KIAA1328: variants seen among roughly 807,000 people sequenced by gnomAD.
The protein encoded by KIAA1328 is KIAA1328, also known as protein hinderin.
Under a neutral mutation model 68.1 loss-of-function variants are expected in KIAA1328, and 52 were observed. That is an observed-to-expected ratio of 0.76 (90% CI 0.61 to 0.96). The LOEUF (loss-of-function observed/expected upper bound fraction) is 0.96. KIAA1328 is among the 40% of genes least tolerant of loss of function. The pLI is 0.00. For missense variants in KIAA1328, 641 were observed against 677.6 expected, an observed-to-expected ratio of 0.95 and a Z score of 0.60; for synonymous variants, 232 against 239.4, an observed-to-expected ratio of 0.97 and a Z score of 0.28.
intron 7 of KIAA1328, among the ~76,000 whole-genome samples, chr18:37,112,729 C>T (rs560431780): frequency 3.9e-5 from 6 of 152,240 alleles, no homozygotes; most frequent in Non-Finnish European, 7.4e-5. Flanking sequence ...GGAGGATTTT[C>T]GAACCAATCG....
chr18:36,987,848 A>G (rs73947102), intron 6 of KIAA1328, among the ~76,000 whole-genome samples: 2 of 149,990 alleles, frequency 1.3e-5, no homozygotes, highest in South Asian at 4.2e-4. Flanking sequence ...TTGTTTTTTT[A>G]AAAAAAAAGA....
chr18:36,982,817 TATATAA>T (rs2052750637), intron 6 of KIAA1328, among the ~76,000 whole-genome samples: 1 of 151,932 alleles, frequency 6.6e-6, no homozygotes, highest in Admixed American at 6.6e-5. Context: ...TTAACAAATA[TATATAA>T]GTAAAATGTA....
intron 6 of KIAA1328, among the ~76,000 whole-genome samples, chr18:37,043,089 GT>G (rs887417498): frequency 1.3e-5 from 2 of 151,530 alleles, no homozygotes; most frequent in African/African-American, 4.8e-5. Flanking sequence ...GTTCTTTGTT[GT>G]AAAAAAAAAT....
At chr18:37,186,412 A>T (rs1047820357) in intron 9 of KIAA1328, among the ~76,000 whole-genome samples, 1 of 151,768 alleles carries the variant, frequency 6.6e-6, no homozygotes, top group East Asian at 1.9e-4. Flanking sequence ...CTAAAAATTT[A>T]AAAAATTAGC....
chr18:37,218,873 A>G (rs971269543), intron 9 of KIAA1328, among the ~76,000 whole-genome samples: 2 of 152,136 alleles, frequency 1.3e-5, no homozygotes, highest in African/African-American at 4.8e-5. Context: ...AGGAGCTGTG[A>G]TCCTTTGGAG....
intron 9 of KIAA1328, among the ~76,000 whole-genome samples, chr18:37,204,839 A>G (rs550076994): frequency 3.9e-5 from 6 of 152,090 alleles, no homozygotes; most frequent in African/African-American, 1.4e-4. Context: ...AAAAAAAAGT[A>G]TACCCTGAAT....
intron 7 of KIAA1328, chr18:37,084,064 A>G (rs982905905): frequency 9.0e-6 from 9 of 995,928 alleles, no homozygotes; most frequent in Non-Finnish European, 1.2e-5. Context: ...GTTTTCCAAA[A>G]TTTATCATTC....
In KIAA1328 at chr18:36,953,995, C is replaced by CTTT. The variant is rs71168249; in HGVS notation, c.449-5297_449-5295dup. 4.8e-4 allele frequency among the ~76,000 whole-genome samples: 54 copies of CTTT among 113,536 alleles called. 4 individuals are homozygous for CTTT. Among genetic ancestry groups the CTTT allele is most frequent in the East Asian group, 3.8e-3 (15 of 3,940 alleles). The allele number at this position is 113,536 out of a possible 152,430, so 74.5% of individuals were successfully genotyped here. The stretch of plus-strand genomic sequence containing the variant: ...ATATATTGAATTTGTCTGATTGTTT[C>CTTT]TTTTTTTTTTTTTTTTTTGAGACGG... On this transcript the variant is annotated intron_variant, in intron 5 of 9. Coordinates refer to ENST00000280020, the MANE Select transcript of KIAA1328 (RefSeq NM_020776.3).
At position 36,883,969 on chromosome 18, in the gene KIAA1328, T is replaced by TATATATATATATAC. The variant is rs1032694969; in HGVS notation, c.333-1587_333-1586insTATATATATATACA. 1.3e-4 allele frequency among the ~76,000 whole-genome samples: 20 copies of TATATATATATATAC among 148,742 alleles called. 1 individual carries two copies. The highest frequency in any genetic ancestry group is 4.5e-4 in the African/African-American group (18 of 40,306). On this transcript the variant is annotated intron_variant, in intron 4 of 9. Transcript: ENST00000280020. ...TTTATAAAGTATATATATATATATA[T>TATATATATATATAC]ACACACACAGTGTCAAATATTTATG... is the stretch of plus-strand genomic sequence containing the variant.
intron 7 of KIAA1328, among the ~76,000 whole-genome samples, chr18:37,112,091 G>A (rs552866977): frequency 3.4e-4 from 52 of 152,288 alleles, no homozygotes; most frequent in Non-Finnish European, 5.7e-4. Context: ...CTCCACCTCC[G>A]GGGGCAAGGC....
At chr18:37,196,106 A>G (rs2059998911) in intron 9 of KIAA1328, among the ~76,000 whole-genome samples, 2 of 152,106 alleles carry the variant, frequency 1.3e-5, no homozygotes, top group East Asian at 1.9e-4. Flanking sequence ...CTATTATAGT[A>G]TGGAAACACT....
intron 5 of KIAA1328, chr18:36,902,070 T>C (rs1028262473): frequency 2.0e-5 from 3 of 151,994 alleles, no homozygotes; most frequent in South Asian, 2.1e-4. Flanking sequence ...GTTGGAAACA[T>C]TGGATGTGCT....
At chr18:36,893,143 G>C (rs1175432793) in intron 5 of KIAA1328, among the ~76,000 whole-genome samples, 1 of 152,140 alleles carries the variant, frequency 6.6e-6, no homozygotes, top group African/African-American at 2.4e-5. Context: ...CTTTAATAAT[G>C]AGTTATATTT....
chr18:37,181,989 G>A (rs1415555613), intron 9 of KIAA1328, among the ~76,000 whole-genome samples: 2 of 152,168 alleles, frequency 1.3e-5, no homozygotes, highest in African/African-American at 4.8e-5. Context: ...TGGCCCATAT[G>A]ACATAAATAT....
chr18:37,139,926 A>G (rs2058731766), intron 7 of KIAA1328, among the ~76,000 whole-genome samples: 2 of 152,208 alleles, frequency 1.3e-5, no homozygotes, highest in Non-Finnish European at 2.9e-5. Flanking sequence ...TGAGCCATTT[A>G]GTCAAACTGT....
downstream of KIAA1328, among the ~76,000 whole-genome samples, chr18:37,226,208 C>G (rs781222239): frequency 3.3e-5 from 5 of 152,046 alleles, no homozygotes; most frequent in Non-Finnish European, 7.4e-5. Flanking sequence ...TAAAGAGAGA[C>G]GAGTCAAAGT....
intron 6 of KIAA1328, among the ~76,000 whole-genome samples, chr18:36,967,886 A>G (rs1177835083): frequency 6.6e-6 from 1 of 152,248 alleles, no homozygotes; most frequent in Non-Finnish European, 1.5e-5. Context: ...ACAGTAAAGA[A>G]AAAAGAATGA....
intron 6 of KIAA1328, among the ~76,000 whole-genome samples, chr18:37,034,328 C>T (rs2054947062): frequency 6.6e-6 from 1 of 152,068 alleles, no homozygotes; most frequent in Non-Finnish European, 1.5e-5. Flanking sequence ...ACACTTTCAT[C>T]AGATTTGTTG....
intron 6 of KIAA1328, among the ~76,000 whole-genome samples, chr18:36,960,617 T>C (rs2051623453): frequency 6.6e-6 from 1 of 152,048 alleles, no homozygotes; most frequent in African/African-American, 2.4e-5. Context: ...AGAGGAAGGA[T>C]CAGGCACCAA....
Sources: gnomAD v4.1 joint callset for allele counts (sites outside exome capture counted in the v4.1 genomes callset) on GRCh38, gnomAD v4.1.1 for gene constraint, MANE v1.5 for transcripts, NCBI Gene and HGNC (gene_info 2026-07-23, HGNC 2026-07-21) for gene names.